Variants in GALNT17 observed in about 807,000 individuals in gnomAD.
GALNT17 encodes the protein polypeptide N-acetylgalactosaminyltransferase 17.
Under a neutral mutation model 63.7 loss-of-function variants are expected in GALNT17, and 29 were observed. The ratio of observed to expected loss-of-function variants is 0.46; its 90% CI spans 0.34 to 0.62. GALNT17 has a LOEUF of 0.62. GALNT17 is among the 20% of genes least tolerant of loss of function. The probability of loss-of-function intolerance (pLI) is 0.01; values close to 1 mark genes in which losing one functional copy is unlikely to be tolerated. For missense variants in GALNT17, 603 were observed against 799.6 expected (o/e 0.75, Z 2.97); for synonymous variants, 305 against 318.3 (o/e 0.96, Z 0.45).
chr7:71,240,476 GT>G (rs1789973417), intron 1 of GALNT17, among the ~76,000 whole-genome samples: 1 of 151,962 alleles, frequency 6.6e-6, no homozygotes, highest in African/African-American at 2.4e-5. Flanking sequence ...CACCTGTTAA[GT>G]CCATAGGTAC....
At chr7:71,658,877 G>A (rs1283636129) in intron 6 of GALNT17, among the ~76,000 whole-genome samples, 1 of 147,608 alleles carries the variant, frequency 6.8e-6, no homozygotes, top group Non-Finnish European at 1.5e-5. Flanking sequence ...GACAGAGCAA[G>A]ACTCTGTCTC....
chr7:71,581,054 A>C (rs751445193), intron 6 of GALNT17, among the ~76,000 whole-genome samples: 2 of 152,204 alleles, frequency 1.3e-5, no homozygotes, highest in Non-Finnish European at 2.9e-5. Context: ...GGGAGGCCTC[A>C]GGAAACGTAC....
chr7:71,286,542 G>A (rs1790876685), intron 1 of GALNT17, among the ~76,000 whole-genome samples: 1 of 151,274 alleles, frequency 6.6e-6, no homozygotes, highest in Admixed American at 6.6e-5. Context: ...CTCTGGGCTT[G>A]CCAGGGCTTT....
chr7:71,345,860 T>C (rs1001455240), intron 2 of GALNT17, among the ~76,000 whole-genome samples: 2 of 151,754 alleles, frequency 1.3e-5, no homozygotes, highest in African/African-American at 4.8e-5. Flanking sequence ...CAGGTCGGTT[T>C]TTATATAGGG....
chr7:71,453,271 G>A (rs1349542757), intron 5 of GALNT17, among the ~76,000 whole-genome samples: 1 of 152,114 alleles, frequency 6.6e-6, no homozygotes, highest in Non-Finnish European at 1.5e-5. Context: ...CAGTTCACCA[G>A]CAAACTTGGT....
At chr7:71,544,852 T>TG (rs1260957561) in intron 5 of GALNT17, among the ~76,000 whole-genome samples, 1 of 150,512 alleles carries the variant, frequency 6.6e-6, no homozygotes, top group Non-Finnish European at 1.5e-5. Context: ...GAGCTTTAGT[T>TG]TTTTTTTTTT....
rs1563047637 is a variant in GALNT17 at position 71,377,113 on chromosome 7, AAATATATAT to A, written c.423-11120_423-11112del. Among the ~76,000 whole-genome samples the A allele has an allele frequency of 1.9e-3, 157 of 82,008 alleles. 2 individuals carry two copies. The highest frequency in any genetic ancestry group is 3.2e-3 in the East Asian group (9 of 2,828). 53.8% of individuals were successfully genotyped at this position (82,008 alleles called of 152,430 possible). A position where few individuals can be genotyped will look rare whatever the true frequency, so the allele number is the denominator to read the frequency against. ...AAAAAAAAAAAAATAAAAATAAAAA[AAATATATAT>A]ATATATATATATATATATAAAATCT... On this transcript the variant is annotated intron_variant, in intron 2 of 10. Transcript: ENST00000333538.
rs769485703 is a variant in GALNT17 at position 71,684,287 on chromosome 7, C to T, written c.1500+6981C>T. ...CAGACAGCTGGTCAACCTTCTCCAG[C>T]CACAGCTTCTGATTTCTCCAGAAAG... On this transcript the variant is annotated intron_variant, in intron 9 of 10. Coordinates refer to ENST00000333538, the MANE Select transcript of GALNT17 (RefSeq NM_022479.3). Among the ~76,000 whole-genome samples the T allele has an allele frequency of 1.4e-3, 212 of 152,314 alleles. 1 individual carries two copies. Among genetic ancestry groups the T allele is most frequent in the Non-Finnish European group, 8.5e-4 (58 of 68,030 alleles).
chr7:71,452,735 G>T (rs747973305), intron 5 of GALNT17, among the ~76,000 whole-genome samples: 8 of 152,154 alleles, frequency 5.3e-5, no homozygotes, highest in Non-Finnish European at 1.0e-4. Context: ...GGGTGACTCT[G>T]TCTACTTTCT....
intron 6 of GALNT17, among the ~76,000 whole-genome samples, chr7:71,583,755 A>C (rs1229263028): frequency 3.3e-5 from 3 of 91,810 alleles, no homozygotes; most frequent in Non-Finnish European, 5.0e-5. Context: ...ACACACACAC[A>C]CACACCACAC....
intron 6 of GALNT17, among the ~76,000 whole-genome samples, chr7:71,597,571 T>C (rs992083025): frequency 6.6e-6 from 1 of 151,940 alleles, no homozygotes; most frequent in African/African-American, 2.4e-5. Flanking sequence ...GAATTTCACA[T>C]GCAAGAAAGT....
chr7:71,242,525 C>T (rs1023688354), intron 1 of GALNT17, among the ~76,000 whole-genome samples: 8 of 152,188 alleles, frequency 5.3e-5, no homozygotes, highest in African/African-American at 9.6e-5. Flanking sequence ...TCCTCAGCCT[C>T]CCAAAGTGCT....
At chr7:71,199,705 CCAT>C (rs753794478) in intron 1 of GALNT17, among the ~76,000 whole-genome samples, 10,623 of 135,302 alleles carry the variant, frequency 0.079, 771 homozygotes, top group African/African-American at 0.21. Flanking sequence ...ATCCATCCAT[CCAT>C]CCATGTATGT....
chr7:71,232,984 T>C (rs551630916), intron 1 of GALNT17, among the ~76,000 whole-genome samples: 1 of 152,274 alleles, frequency 6.6e-6, no homozygotes. Flanking sequence ...AGTTCACACA[T>C]ATTGTCTCCT....
Position 71,132,662 on chromosome 7 carries a change from C to A in GALNT17, c.-141C>A. The A allele has an allele frequency of 1.5e-6, 1 of 672,330 alleles. No individual in the cohort carries two copies. The highest frequency in any genetic ancestry group is 2.4e-6 in the Non-Finnish European group (1 of 410,778). 41.6% of individuals were successfully genotyped at this position (672,330 alleles called of 1,614,324 possible). ...CTCCCAGCCGTCTCCGCCGCCCGAGCATCCTTGAGGTGGGACGAGCAGGGG... is the reference window on the plus strand; with the variant it reads ...CTCCCAGCCGTCTCCGCCGCCCGAGAATCCTTGAGGTGGGACGAGCAGGGG... On this transcript the variant is annotated 5_prime_UTR_variant, in exon 1 of 11. Coordinates refer to ENST00000333538, the MANE Select transcript of GALNT17 (RefSeq NM_022479.3).
In GALNT17 at chr7:71,261,204, C is replaced by T. The variant is rs529328211; in HGVS notation, c.239-74346C>T. On this transcript the variant is annotated intron_variant, in intron 1 of 10. Coordinates refer to ENST00000333538, the MANE Select transcript of GALNT17 (RefSeq NM_022479.3). ...CCAACGTGCGGTCACGTCTGAGAGTCGCTGCTTGAGATGCATCCTGGATTC... is the reference window on the plus strand; with the variant it reads ...CCAACGTGCGGTCACGTCTGAGAGTTGCTGCTTGAGATGCATCCTGGATTC... Among the ~76,000 whole-genome samples the T allele has an allele frequency of 1.1e-4, 17 of 152,218 alleles. 1 individual carries two copies. In the East Asian group the frequency reaches 2.1e-3, roughly 19 times the overall value.
chr7:71,581,813 T>A (rs1487355627), intron 6 of GALNT17, among the ~76,000 whole-genome samples: 1 of 152,110 alleles, frequency 6.6e-6, no homozygotes, highest in Non-Finnish European at 1.5e-5. Context: ...GTAGCAGTTC[T>A]CTCTAACCTG....
At chr7:71,648,134 C>T (rs754761049) in intron 6 of GALNT17, among the ~76,000 whole-genome samples, 2 of 152,260 alleles carry the variant, frequency 1.3e-5, no homozygotes, top group Non-Finnish European at 2.9e-5. Flanking sequence ...TTCACAGCTA[C>T]ACAGCTATTC....
intron 2 of GALNT17, among the ~76,000 whole-genome samples, chr7:71,349,375 G>A (rs1393764505): frequency 6.6e-6 from 1 of 152,202 alleles, no homozygotes; most frequent in African/African-American, 2.4e-5. Flanking sequence ...CAGTATTACA[G>A]ATGGCATGTC....
Sources: allele counts gnomAD v4.1 joint callset (sites outside exome capture counted in the v4.1 genomes callset), GRCh38; gene constraint gnomAD v4.1.1; transcripts MANE v1.5; gene names NCBI Gene and HGNC (gene_info 2026-07-23, HGNC 2026-07-21).